AZIN2: variants seen among roughly 807,000 people sequenced by gnomAD.
AZIN2 encodes the protein ODC antizyme inhibitor-2.
AZIN2 carries 28 observed loss-of-function variants against 47.8 expected under a neutral mutation model. The ratio of observed to expected loss-of-function variants is 0.59; its 90% CI spans 0.43 to 0.80. The LOEUF is 0.80. AZIN2 is among the 30% of genes least tolerant of loss of function. The probability of loss-of-function intolerance (pLI) is 0.00; values close to 1 mark genes in which losing one functional copy is unlikely to be tolerated. For synonymous variants in AZIN2, 221 were observed against 239.4 expected, an observed-to-expected ratio of 0.92 and a Z score of 0.71; for missense variants, 535 against 582.5, an observed-to-expected ratio of 0.92 and a Z score of 0.84.
chr1:33,161,662 G>T, the AZIN2 span, among the ~76,000 whole-genome samples: 2 of 152,122 alleles, frequency 1.3e-5, no homozygotes, highest in African/African-American at 4.8e-5. This position sits in a 1 kb window ranked among gnomAD's most constrained non-coding sequence, Gnocchi z 4.3. Context: ...CACCCGGGGA[G>T]GGTGGAGGCC....
intron 5 of AZIN2, among the ~76,000 whole-genome samples, chr1:33,088,435 G>A (rs1642176049): frequency 6.6e-6 from 1 of 152,194 alleles, no homozygotes; most frequent in African/African-American, 2.4e-5. Context: ...GACTGTCACT[G>A]TCTATTCCCC....
At chr1:33,127,205 G>C (rs191569639), downstream of AZIN2, among the ~76,000 whole-genome samples, 4 of 152,362 alleles carry the variant, frequency 2.6e-5, no homozygotes, top group East Asian at 7.7e-4. Context: ...ACTCTCAGAA[G>C]TGGAAACGAT....
rs776963959 is a variant in AZIN2 at position 33,093,731 on chromosome 1, CTTTTTT to C, written c.587+327_587+332del. 2.2e-5 allele frequency among the ~76,000 whole-genome samples: 3 copies of C among 134,658 alleles called. 1 individual carries two copies. In the South Asian group the frequency reaches 7.0e-4, roughly 32 times the overall value. The allele number at this position is 134,658 out of a possible 152,430, so 88.3% of individuals were successfully genotyped here. A position where few individuals can be genotyped will look rare whatever the true frequency, so the allele number is the denominator to read the frequency against. ...GGGGCCTCTTTTCTTTTCTTTCTTT[CTTTTTT>C]TTTTTTTTTTTGAGATAGGGTCTCA... On this transcript the variant is annotated intron_variant, in intron 7 of 11. Coordinates refer to ENST00000294517, the MANE Select transcript of AZIN2 (RefSeq NM_052998.4).
At chr1:33,158,475 A>G in the AZIN2 span, 2 of 819,756 alleles carry the variant, frequency 2.4e-6, no homozygotes, top group Non-Finnish European at 4.1e-6. Flanking sequence ...TGTGGTCATG[A>G]GTGAGAAGTC....
At chr1:33,086,042 G>C (rs961953972) in intron 5 of AZIN2, among the ~76,000 whole-genome samples, 5 of 152,310 alleles carry the variant, frequency 3.3e-5, no homozygotes, top group South Asian at 2.1e-4. Context: ...GGAGGAGCTT[G>C]GTTCTGTAGA....
the AZIN2 span, chr1:33,164,067 T>C: frequency 0.19 from 28,295 of 152,160 alleles, 3,088 homozygotes; most frequent in South Asian, 0.3. Context: ...TTGCTTCTCA[T>C]CATCCAAGAG....
At chr1:33,131,408 T>C in the AZIN2 span, among the ~76,000 whole-genome samples, 2 of 152,226 alleles carry the variant, frequency 1.3e-5, no homozygotes, top group African/African-American at 4.8e-5. Context: ...AGGGTCTAAA[T>C]CTGTGCTGTC....
chr1:33,159,675 G>A, the AZIN2 span: 1,520 of 1,596,488 alleles, frequency 9.5e-4, 18 homozygotes, highest in Admixed American at 0.019. This position sits in a 1 kb window ranked among gnomAD's most constrained non-coding sequence, Gnocchi z 4.2. Context: ...GGGCCCCGGC[G>A]GGTGGCACTT....
intron 5 of AZIN2, among the ~76,000 whole-genome samples, chr1:33,085,137 G>C (rs1295180402): frequency 1.3e-5 from 2 of 151,638 alleles, no homozygotes; most frequent in African/African-American, 2.4e-5. Flanking sequence ...ATATTAATTG[G>C]GCATCTCTTC....
At chr1:33,101,065 C>A (rs1643647035) in intron 10 of AZIN2, among the ~76,000 whole-genome samples, 1 of 152,026 alleles carries the variant, frequency 6.6e-6, no homozygotes. Flanking sequence ...TTTTGCCATG[C>A]TGGCCAGGCT....
the AZIN2 span, among the ~76,000 whole-genome samples, chr1:33,148,209 A>G: frequency 6.6e-6 from 1 of 152,138 alleles, no homozygotes; most frequent in Non-Finnish European, 1.5e-5. Context: ...TGCAAAGGGA[A>G]GTTCTGCCCC....
chr1:33,103,665 C>T lies in AZIN2; in HGVS notation c.1029+5486C>T, dbSNP rs574645808. Reference sequence around the variant, plus strand: ...TAGCAGGTAGGCTCTATGAGGGCAGCCACGTTGTCCAGTTAGTTTCCTCTG... The same window carrying T: ...TAGCAGGTAGGCTCTATGAGGGCAGTCACGTTGTCCAGTTAGTTTCCTCTG... On this transcript the variant is annotated intron_variant, in intron 10 of 11. Transcript: ENST00000294517. Among the ~76,000 whole-genome samples, 8 of 152,278 alleles carry T rather than the reference C, an allele frequency of 5.3e-5. No homozygotes were observed. The East Asian group carries it at 1.5e-3, about 29-fold the overall frequency.
the AZIN2 span, chr1:33,147,429 G>A: frequency 6.2e-6 from 10 of 1,614,110 alleles, 1 homozygote; most frequent in Non-Finnish European, 7.6e-6. This position sits in a 1 kb window ranked among gnomAD's most constrained non-coding sequence, Gnocchi z 8.1. Flanking sequence ...GGTTGCCATC[G>A]TGCATCACGA....
In AZIN2 at chr1:33,092,369, G is replaced by A. The variant is rs1642661388; in HGVS notation, c.452+147G>A. The A allele has an allele frequency of 3.8e-6, 3 of 791,634 alleles. No homozygotes were observed. In the South Asian group the frequency reaches 5.9e-5, roughly 16 times the overall value. The allele number at this position is 791,634 out of a possible 1,614,324, so 49.0% of individuals were successfully genotyped here. A position where few individuals can be genotyped will look rare whatever the true frequency, so the allele number is the denominator to read the frequency against. On this transcript the variant is annotated intron_variant, in intron 6 of 11. Transcript: ENST00000294517. ...GAAGGGGGGGGTGGGGTGAGGGGGT[G>A]GAGCTGGGGCAGGTCACCCTGTCCT... is the stretch of plus-strand genomic sequence containing the variant.
chr1:33,096,645 AG>A (rs1173293204), intron 8 of AZIN2, 61 bp from the exon 9 acceptor site: 1 of 1,575,178 alleles, frequency 6.3e-7, no homozygotes, highest in Non-Finnish European at 8.7e-7. Context: ...AGCTGTAGCA[AG>A]TCTTCAGCAT....
chr1:33,100,049 T>C (rs937731062), intron 10 of AZIN2, among the ~76,000 whole-genome samples: 2 of 152,068 alleles, frequency 1.3e-5, no homozygotes, highest in African/African-American at 4.8e-5. Context: ...AGGCCAGGCG[T>C]GGTGGCTCAA....
At chr1:33,097,388 G>T (rs1303131986) in intron 9 of AZIN2, among the ~76,000 whole-genome samples, 3 of 152,212 alleles carry the variant, frequency 2.0e-5, no homozygotes, top group Non-Finnish European at 2.9e-5. Context: ...GCAGTGTGGG[G>T]ATTCAAGTTC....
chr1:33,108,341 A>ATTTTTTTTTT (rs1170175833), intron 10 of AZIN2, among the ~76,000 whole-genome samples: 1 of 139,320 alleles, frequency 7.2e-6, no homozygotes, highest in African/African-American at 2.8e-5. Context: ...TTTCAGATTG[A>ATTTTTTTTTT]CTTTTTTTTT....
In AZIN2 at chr1:33,122,926, C is replaced by G. The variant is rs1236084746; in HGVS notation, c.*2744C>G. ...CACAGTCCATCCTCCACTCAGCAGC[C>G]AGATGCCGTACCTCCTGGGATTCCG... On this transcript the variant is annotated 3_prime_UTR_variant, in exon 12 of 12. Transcript: ENST00000294517. 2.0e-5 allele frequency among the ~76,000 whole-genome samples: 3 copies of G among 152,306 alleles called. No individual in the cohort carries two copies. The South Asian group carries it at 6.2e-4, about 32-fold the overall frequency.
Sources: allele counts gnomAD v4.1 joint callset (sites outside exome capture counted in the v4.1 genomes callset), GRCh38; gene constraint gnomAD v4.1.1; non-coding constraint Gnocchi (gnomAD v3.1); transcripts MANE v1.5; gene names NCBI Gene and HGNC (gene_info 2026-07-23, HGNC 2026-07-21).